ZNF568: variants seen among roughly 807,000 people sequenced by gnomAD.
The protein encoded by ZNF568 is zinc finger protein 568, also known as p53 inhibitor of SCO2 activation.
ZNF568 carries 11 observed loss-of-function variants against 18.1 expected under a neutral mutation model. The observed-to-expected ratio is 0.61, with a 90% CI of 0.38 to 1.00. ZNF568 has a LOEUF of 1.00. ZNF568 is among the 50% of genes least tolerant of loss of function. ZNF568 has a pLI of 0.01. For missense variants in ZNF568, 639 were observed against 768.2 expected, an observed-to-expected ratio of 0.83 and a Z score of 1.99; for synonymous variants, 213 against 246.6, an observed-to-expected ratio of 0.86 and a Z score of 1.28.
intron 6 of ZNF568, among the ~76,000 whole-genome samples, chr19:36,972,299 G>A (rs561307419): frequency 6.6e-6 from 1 of 151,976 alleles, no homozygotes; most frequent in East Asian, 1.9e-4. Flanking sequence ...AGTATTTCTC[G>A]AACATACTTC....
chr19:36,927,560 GTACTT>G (rs2073576756), intron 4 of ZNF568, among the ~76,000 whole-genome samples: 1 of 151,650 alleles, frequency 6.6e-6, no homozygotes, highest in Non-Finnish European at 1.5e-5. Flanking sequence ...TATCAGTACT[GTACTT>G]TGTGTGTGTG....
Position 36,925,183 on chromosome 19 carries a change from C to T in ZNF568, c.77-17C>T. 6.2e-7 allele frequency: 1 copy of T among 1,613,636 alleles called. No homozygotes were observed. ...CTGAAACTTTGAAGCAAATCTGTTT[C>T]ATTTCTCTTCCCTCAGCTTGGTGTT... is the stretch of plus-strand genomic sequence containing the variant. On this transcript the variant is annotated splice_polypyrimidine_tract_variant and intron_variant, in intron 3 of 6. Transcript: ENST00000333987.
At chr19:36,996,703 A>C in exon 5 of ZNF568, 1 of 1,536,336 alleles carries the variant, frequency 6.5e-7, no homozygotes, top group South Asian at 1.2e-5. Context: ...TCATGAAAGC[A>C]AAAAACATAG....
chr19:36,994,685 T>A (rs2074454439), intron 4 of ZNF568, among the ~76,000 whole-genome samples: 1 of 152,234 alleles, frequency 6.6e-6, no homozygotes, highest in East Asian at 1.9e-4. Context: ...TTGTTGTTTT[T>A]TTCTGAGATG....
At chr19:36,991,600 A>G (rs1766742952) in intron 3 of ZNF568, 1 of 667,880 alleles carries the variant, frequency 1.5e-6, no homozygotes, top group Admixed American at 3.2e-5. Flanking sequence ...TAATTAGACA[A>G]GAAAGGAATT....
intron 4 of ZNF568, among the ~76,000 whole-genome samples, chr19:36,930,359 G>A (rs545285265): frequency 1.2e-4 from 18 of 151,756 alleles, no homozygotes; most frequent in African/African-American, 4.1e-4. Context: ...ACAGACGCTC[G>A]CCACCACACC....
intron 4 of ZNF568, among the ~76,000 whole-genome samples, chr19:36,996,096 G>A (rs558696228): frequency 3.3e-5 from 5 of 152,072 alleles, no homozygotes; most frequent in African/African-American, 9.7e-5. Flanking sequence ...TGGGTGCAGC[G>A]GCTCACACCT....
chr19:36,990,004 T>C (rs1871342698), intron 2 of ZNF568, among the ~76,000 whole-genome samples: 1 of 152,208 alleles, frequency 6.6e-6, no homozygotes, highest in Admixed American at 6.5e-5. Context: ...TTGAGTTTTC[T>C]AATTAGACAA....
chr19:36,933,735 G>A (rs1219036189), intron 4 of ZNF568, among the ~76,000 whole-genome samples: 1 of 151,516 alleles, frequency 6.6e-6, no homozygotes, highest in Non-Finnish European at 1.5e-5. Context: ...TCTTTGTCAG[G>A]TTTTAGTATT....
Position 36,950,080 on chromosome 19 carries a change from G to A in ZNF568, c.927G>A (p.Lys309=). Residue 309 remains lysine, a synonymous_variant, in exon 7 of 7, where the codon AAG becomes AAA. Transcript: ENST00000333987. ...CTGGGGAGAAACCTTATGCATGTAA[G>A]GATTGTTGGAAAGCCTTCAGTCAGA... ...IHTGEKPYAC[K]DCWKAFSQKS... The A allele has an allele frequency of 6.2e-7, 1 of 1,613,244 alleles. No individual in the cohort carries two copies. Among genetic ancestry groups the A allele is most frequent in the Non-Finnish European group, 8.5e-7 (1 of 1,179,790 alleles).
At chr19:36,975,446 T>G (rs2074275521) in intron 7 of ZNF568, among the ~76,000 whole-genome samples, 1 of 139,506 alleles carries the variant, frequency 7.2e-6, no homozygotes, top group South Asian at 2.3e-4. Context: ...AGTGCAGTGG[T>G]GTTATCTCAG....
intron 3 of ZNF568, chr19:36,991,748 C>A: frequency 1.3e-6 from 2 of 1,561,482 alleles, no homozygotes; most frequent in Non-Finnish European, 8.6e-7. Flanking sequence ...TGTTTTTGAG[C>A]AGGGCTTTCT....
chr19:36,945,231 G>GTGTC (rs1287618343), intron 6 of ZNF568, among the ~76,000 whole-genome samples: 7 of 151,308 alleles, frequency 4.6e-5, no homozygotes, highest in African/African-American at 1.5e-4. Flanking sequence ...GTGTGTGTGT[G>GTGTC]TGTGTGTGTG....
downstream of ZNF568, among the ~76,000 whole-genome samples, chr19:36,955,448 G>C (rs1304217537): frequency 5.3e-5 from 8 of 152,162 alleles, no homozygotes. Flanking sequence ...AAGTGCCTCA[G>C]AGTAGGTCTA....
At chr19:36,931,501 T>C (rs1196739470) in intron 4 of ZNF568, 1 of 152,052 alleles carries the variant, frequency 6.6e-6, no homozygotes, top group African/African-American at 2.4e-5. Context: ...AGCTAGATGA[T>C]AGGCATGTGC....
intron 2 of ZNF568, among the ~76,000 whole-genome samples, chr19:36,986,183 C>A (rs1299189791): frequency 1.3e-5 from 2 of 152,144 alleles, no homozygotes; most frequent in Non-Finnish European, 2.9e-5. Flanking sequence ...TTCCCTTCTG[C>A]CATCTGCCAA....
At chr19:36,996,730 G>C in exon 5 of ZNF568, 1 of 1,537,148 alleles carries the variant, frequency 6.5e-7, no homozygotes, top group Non-Finnish European at 8.7e-7. Context: ...TAACAAATGT[G>C]CCTTTAATCA....
In ZNF568 at chr19:36,951,909, G is replaced by A. The variant is rs1455887393; in HGVS notation, c.*821G>A. On this transcript the variant is annotated 3_prime_UTR_variant, in exon 7 of 7. Coordinates refer to ENST00000333987, the MANE Select transcript of ZNF568 (RefSeq NM_198539.4). ...CCTCCCAAAGTGCTGGGGTTTACAG[G>A]CTTGAGCCACTGCACCTGGCCAAAA... The A allele has an allele frequency of 4.1e-6, 4 of 983,854 alleles. No individual in the cohort carries two copies. Among genetic ancestry groups the A allele is most frequent in the Non-Finnish European group, 4.8e-6 (4 of 829,092 alleles). 60.9% of individuals were successfully genotyped at this position (983,854 alleles called of 1,614,324 possible). A position where few individuals can be genotyped will look rare whatever the true frequency, so the allele number is the denominator to read the frequency against.
intron 6 of ZNF568, among the ~76,000 whole-genome samples, chr19:36,966,954 G>A (rs555629812): frequency 2.0e-5 from 3 of 152,304 alleles, no homozygotes; most frequent in East Asian, 1.9e-4. Context: ...GCCATCAGCC[G>A]TAGCTTGCTT....
Sources: gnomAD v4.1 joint callset for allele counts (sites outside exome capture counted in the v4.1 genomes callset) on GRCh38, gnomAD v4.1.1 for gene constraint, MANE v1.5 for transcripts, NCBI Gene and HGNC (gene_info 2026-07-23, HGNC 2026-07-21) for gene names.